Variants in PARPBP observed in about 807,000 individuals in gnomAD.
The protein encoded by PARPBP is PCNA-interacting partner.
PARPBP carries 52 observed loss-of-function variants against 50.0 expected under a neutral mutation model. The ratio of observed to expected loss-of-function variants is 1.04; its 90% confidence interval spans 0.83 to 1.31. The LOEUF (loss-of-function observed/expected upper bound fraction) is 1.31. PARPBP is among the 50% of genes most tolerant of loss of function. The pLI is 0.00. For synonymous variants in PARPBP, 244 were observed against 232.1 expected, an observed-to-expected ratio of 1.05 and a Z score of -0.47; for missense variants, 697 against 672.0, an observed-to-expected ratio of 1.04 and a Z score of -0.41.
intron 9 of PARPBP, among the ~76,000 whole-genome samples, chr12:102,190,112 G>A (rs1890660111): frequency 6.6e-6 from 1 of 152,040 alleles, no homozygotes; most frequent in Admixed American, 6.6e-5. Context: ...CATACTAGTT[G>A]TATATTTTTA....
chr12:102,174,417 T>C (rs1196157244), intron 6 of PARPBP, among the ~76,000 whole-genome samples: 2 of 152,246 alleles, frequency 1.3e-5, no homozygotes, highest in Non-Finnish European at 2.9e-5. Context: ...TTCTAGCTTG[T>C]TAGGGAACCT....
chr12:102,189,344 A>G (rs982627091), intron 9 of PARPBP, among the ~76,000 whole-genome samples: 1 of 152,210 alleles, frequency 6.6e-6, no homozygotes, highest in Admixed American at 6.5e-5. Context: ...TTTGTTCTAG[A>G]GCAGTGCTCT....
chr12:102,155,900 A>T (rs181061119), intron 4 of PARPBP, among the ~76,000 whole-genome samples: 2 of 152,180 alleles, frequency 1.3e-5, no homozygotes, highest in Non-Finnish European at 2.9e-5. Flanking sequence ...TTGTTCCTGC[A>T]TGGCTAAATG....
intron 6 of PARPBP, among the ~76,000 whole-genome samples, chr12:102,170,873 T>C (rs1474761518): frequency 1.3e-5 from 2 of 152,006 alleles, no homozygotes; most frequent in East Asian, 3.9e-4. Flanking sequence ...CTCTGTATCC[T>C]TATTCTATAT....
intron 1 of PARPBP, among the ~76,000 whole-genome samples, chr12:102,122,779 G>A (rs992479068): frequency 6.6e-6 from 1 of 152,164 alleles, no homozygotes; most frequent in Admixed American, 6.5e-5. Flanking sequence ...GCTGAGTGAC[G>A]TGGAGGTTAT....
chr12:102,156,095 C>T (rs555964029), intron 4 of PARPBP, among the ~76,000 whole-genome samples: 7 of 151,906 alleles, frequency 4.6e-5, no homozygotes, highest in Admixed American at 6.6e-5. Flanking sequence ...GAAAGTGGCC[C>T]GCCACCATCT....
At chr12:102,158,926 C>T (rs914470753) in intron 4 of PARPBP, among the ~76,000 whole-genome samples, 38 of 152,168 alleles carry the variant, frequency 2.5e-4, no homozygotes, top group African/African-American at 9.2e-4. Context: ...ATTTAAACAA[C>T]ACTGATAGTT....
intron 4 of PARPBP, among the ~76,000 whole-genome samples, chr12:102,161,202 T>A (rs1447216142): frequency 6.6e-6 from 1 of 151,990 alleles, no homozygotes; most frequent in Non-Finnish European, 1.5e-5. Context: ...ACCTCCCAGG[T>A]TCAAGTGATT....
chr12:102,142,213 C>CCT (rs1427879996), intron 2 of PARPBP, among the ~76,000 whole-genome samples: 8 of 152,016 alleles, frequency 5.3e-5, no homozygotes, highest in Non-Finnish European at 1.0e-4. Flanking sequence ...CTAAACTTGT[C>CCT]TTCTCGCTTC....
intron 9 of PARPBP, among the ~76,000 whole-genome samples, chr12:102,191,158 C>T (rs995459130): frequency 6.6e-6 from 1 of 152,056 alleles, no homozygotes; most frequent in African/African-American, 2.4e-5. Flanking sequence ...ATTTTGCAGA[C>T]CATACATATA....
intron 4 of PARPBP, among the ~76,000 whole-genome samples, chr12:102,157,463 T>A (rs545035540): frequency 3.5e-4 from 53 of 151,850 alleles, no homozygotes; most frequent in African/African-American, 7.9e-4. Flanking sequence ...TTTTTTTTTT[T>A]AATTTTCTGA....
Position 102,123,921 on chromosome 12 carries a change from T to C in PARPBP, c.33T>C (p.Asp11=), listed in dbSNP as rs77973991. 0.018 allele frequency: 27,812 copies of C among 1,535,362 alleles called. 2,349 individuals are homozygous for C. The East Asian group carries it at 0.27, about 15-fold the overall frequency. MAVFNQKSVS[D]MIKEFRKNWR... ...TGTTTAATCAGAAGTCTGTCTCGGA[T>C]ATGATTAAAGAGTTTCGAAAAAATT... Residue 11 remains aspartate (D), a synonymous_variant, in exon 2 of 11, where the codon GAT becomes GAC. Transcript: ENST00000327680.
intron 3 of PARPBP, 69 bp from the exon 4 acceptor site, chr12:102,153,800 G>C: frequency 3.7e-6 from 3 of 819,804 alleles, no homozygotes; most frequent in Non-Finnish European, 6.4e-6. Context: ...ACACTGAGTA[G>C]AGCTTTATGT....
chr12:102,134,045 A>G (rs1043950424), intron 2 of PARPBP, among the ~76,000 whole-genome samples: 7 of 151,970 alleles, frequency 4.6e-5, no homozygotes, highest in Non-Finnish European at 8.8e-5. Flanking sequence ...CATTACACCA[A>G]AAGAAACTAG....
intron 2 of PARPBP, among the ~76,000 whole-genome samples, chr12:102,146,408 T>C (rs11111180): frequency 0.18 from 27,932 of 151,782 alleles, 2,590 homozygotes; most frequent in Non-Finnish European, 0.2. Context: ...TCGGAAATAA[T>C]GCCACATATC....
At chr12:102,162,240 T>C (rs947984943) in intron 4 of PARPBP, among the ~76,000 whole-genome samples, 1 of 152,234 alleles carries the variant, frequency 6.6e-6, no homozygotes, top group African/African-American at 2.4e-5. Context: ...AGATTGAATA[T>C]GATGAAATTT....
intron 2 of PARPBP, among the ~76,000 whole-genome samples, chr12:102,128,102 A>G (rs1882286371): frequency 6.6e-6 from 1 of 152,216 alleles, no homozygotes; most frequent in Admixed American, 6.5e-5. Context: ...ACCATGTTGT[A>G]CAATAGATCT....
Position 102,178,614 on chromosome 12 carries a change from A to G in PARPBP, c.1028A>G (p.His343Arg), listed in dbSNP as rs1307351936. ...PARPKSHAIN[H>R]GTAYCGRDTV... The stretch of plus-strand genomic sequence containing the variant: ...CAGCCAAAATCTCATGCCATAAACC[A>G]TGGTACTGCATACTGTGGCAGAGAT... The change falls in exon 8 of 11, where the codon CAT (histidine) becomes CGT (arginine). Residue 343 changes from histidine (H) to arginine (R), a missense_variant. Transcript: ENST00000327680. The G allele has an allele frequency of 6.2e-7, 1 of 1,602,724 alleles. No individual in the cohort carries two copies. The highest frequency in any genetic ancestry group is 8.5e-7 in the Non-Finnish European group (1 of 1,175,018).
chr12:102,147,459 C>G (rs765841938), intron 2 of PARPBP, among the ~76,000 whole-genome samples: 1 of 150,832 alleles, frequency 6.6e-6, no homozygotes, highest in African/African-American at 2.4e-5. Context: ...AGTAAACTAT[C>G]GCAAGGACAA....
Sources: allele counts gnomAD v4.1 joint callset (sites outside exome capture counted in the v4.1 genomes callset), GRCh38; gene constraint gnomAD v4.1.1; transcripts MANE v1.5; gene names NCBI Gene and HGNC (gene_info 2026-07-23, HGNC 2026-07-21).